The following GNA15 variants were observed in gnomAD, a reference collection of about 807,000 sequenced individuals.
GNA15 encodes the protein G protein subunit alpha 15, also known as guanine nucleotide-binding protein subunit alpha-15.
Under a neutral mutation model 40.1 loss-of-function variants are expected in GNA15, and 23 were observed. The ratio of observed to expected loss-of-function variants is 0.57; its 90% CI spans 0.41 to 0.81. The LOEUF is 0.81. GNA15 is among the 40% of genes least tolerant of loss of function. The pLI, the probability that GNA15 is intolerant of heterozygous loss-of-function variation, is 0.00. For missense variants in GNA15, 522 were observed against 515.8 expected, an observed-to-expected ratio of 1.01 and a Z score of -0.12; for synonymous variants, 226 against 210.4, an observed-to-expected ratio of 1.07 and a Z score of -0.64.
rs767761894 is a variant in GNA15, at chr19:3,157,776, C to A, written c.793C>A (p.Pro265Thr). 1 of 1,613,838 alleles carries A rather than the reference C, an allele frequency of 6.2e-7. No individual in the cohort carries two copies. Among genetic ancestry groups the A allele is most frequent in the Non-Finnish European group, 8.5e-7 (1 of 1,179,702 alleles). ...ATTGTTTGGGACTATCCTGGAACTACCCTGGTTCAAAAGCACATCCGTCAT... is the reference window on the plus strand; with the variant it reads ...ATTGTTTGGGACTATCCTGGAACTAACCTGGTTCAAAAGCACATCCGTCAT... ...LALFGTILELPWFKSTSVILF... is the reference protein window; with the variant it reads ...LALFGTILELTWFKSTSVILF... The change falls in exon 6 of 7, where the codon CCC (proline) becomes ACC (threonine). Residue 265 changes from proline to threonine, a missense_variant. Pro to Thr is a conservative substitution (Grantham distance 38, BLOSUM62 -1). Transcript: ENST00000262958.
At position 3,162,951 on chromosome 19, in the gene GNA15, C is replaced by T. The variant is rs764000592; in HGVS notation, c.1057C>T (p.Arg353Cys). The T allele has an allele frequency of 2.5e-6, 4 of 1,613,978 alleles. No individual in the cohort carries two copies. Among genetic ancestry groups the T allele is most frequent in the Middle Eastern group, 1.6e-4 (1 of 6,084 alleles). Residue 353 changes from arginine (R) to cysteine (C), a missense_variant, in exon 7 of 7, where the codon CGC (arginine) becomes TGC (cysteine). Transcript: ENST00000262958. Reference sequence around the variant, plus strand: ...ATGTGCCACAGACACACAGAACATCCGCAAGGTCTTCAAGGACGTGCGGGA... The same window carrying T: ...ATGTGCCACAGACACACAGAACATCTGCAAGGTCTTCAAGGACGTGCGGGA... ...YTCATDTQNI[R>C]KVFKDVRDSV...
Position 3,153,182 on chromosome 19 carries a change from C to G in GNA15, c.614+1347C>G, listed in dbSNP as rs191676942. Among the ~76,000 whole-genome samples the G allele has an allele frequency of 2.6e-5, 4 of 151,570 alleles. No individual in the cohort carries two copies. The East Asian group carries it at 7.7e-4, about 29-fold the overall frequency. ...AGACCGAGAACCCACGAGAAGGAAC[C>G]AGCTCTGGGACACAATAGTAGTGTT... On this transcript the variant is annotated intron_variant, in intron 4 of 6. Coordinates refer to ENST00000262958, the MANE Select transcript of GNA15 (RefSeq NM_002068.4).
intron 1 of GNA15, among the ~76,000 whole-genome samples, chr19:3,139,010 A>G (rs1312945182): frequency 7.1e-6 from 1 of 140,310 alleles, no homozygotes; most frequent in Non-Finnish European, 1.5e-5. Flanking sequence ...CAGTGGTGAG[A>G]TCTCAGCTCA....
At position 3,163,435 on chromosome 19, in the gene GNA15, G is replaced by A. The variant is rs1052806025; in HGVS notation, c.*416G>A. 3 of 227,088 alleles carry A rather than the reference G, an allele frequency of 1.3e-5. No homozygotes were observed. The highest frequency in any genetic ancestry group is 2.7e-5 in the Non-Finnish European group (3 of 112,286). 14.1% of individuals were successfully genotyped at this position (227,088 alleles called of 1,614,324 possible). ...GATGGGGCTAGTAGAGCCTTCAGGC[G>A]CCTTCGGGCGTGGACTCTGGCGCAC... On this transcript the variant is annotated 3_prime_UTR_variant, in exon 7 of 7. Transcript: ENST00000262958.
intron 1 of GNA15, among the ~76,000 whole-genome samples, chr19:3,138,937 C>CCT (rs1568291933): frequency 4.9e-5 from 6 of 123,554 alleles, no homozygotes; most frequent in African/African-American, 9.3e-5. Context: ...CGCGCCCAGC[C>CCT]TCTTTTTTTT....
At chr19:3,156,396 T>C (rs1915023110) in intron 5 of GNA15, among the ~76,000 whole-genome samples, 2 of 149,334 alleles carry the variant, frequency 1.3e-5, no homozygotes. Flanking sequence ...AATACACGCA[T>C]ATGTACACAT....
At chr19:3,157,187 C>A (rs182283693) in intron 5 of GNA15, among the ~76,000 whole-genome samples, 1 of 151,080 alleles carries the variant, frequency 6.6e-6, no homozygotes, top group Admixed American at 6.6e-5. Flanking sequence ...TTAGTAGAAA[C>A]GGGGTTTCAC....
chr19:3,149,922 T>C (rs768994560), intron 2 of GNA15: 26 of 520,352 alleles, frequency 5.0e-5, no homozygotes, highest in Non-Finnish European at 7.8e-5. Flanking sequence ...CCTCATGTGG[T>C]GGTCTGTGCT....
rs375837257 is a variant in GNA15 at position 3,150,313 on chromosome 19, C to T, written c.485+28C>T. 25 of 1,509,488 alleles carry T rather than the reference C, an allele frequency of 1.7e-5. No individual in the cohort carries two copies. The African/African-American group carries it at 2.3e-4, about 14-fold the overall frequency. 93.5% of individuals were successfully genotyped at this position (1,509,488 alleles called of 1,614,324 possible). ...GAGTCTGGGGTCTGCGGGGGATGGGCGCGTGGGGAGGGGCTGAGGGCAGGG... is the reference window on the plus strand; with the variant it reads ...GAGTCTGGGGTCTGCGGGGGATGGGTGCGTGGGGAGGGGCTGAGGGCAGGG... On this transcript the variant is annotated intron_variant, in intron 3 of 6. Transcript: ENST00000262958.
At chr19:3,161,486 A>G (rs2144865538) in intron 6 of GNA15, among the ~76,000 whole-genome samples, 1 of 152,260 alleles carries the variant, frequency 6.6e-6, no homozygotes, top group East Asian at 1.9e-4. Flanking sequence ...CTCAGAGCCC[A>G]TGAGGCCAAT....
At position 3,163,445 on chromosome 19, in the gene GNA15, G is replaced by A. The variant is rs1251392701; in HGVS notation, c.*426G>A. Reference sequence around the variant, plus strand: ...GTAGAGCCTTCAGGCGCCTTCGGGCGTGGACTCTGGCGCACTCTAGTGGAC... The same window carrying A: ...GTAGAGCCTTCAGGCGCCTTCGGGCATGGACTCTGGCGCACTCTAGTGGAC... On this transcript the variant is annotated 3_prime_UTR_variant, in exon 7 of 7. Coordinates refer to ENST00000262958, the MANE Select transcript of GNA15 (RefSeq NM_002068.4). The A allele has an allele frequency of 4.5e-6, 1 of 221,154 alleles. No homozygotes were observed. The highest frequency in any genetic ancestry group is 1.3e-4 in the East Asian group (1 of 7,934). The allele number at this position is 221,154 out of a possible 1,614,324, so 13.7% of individuals were successfully genotyped here.
chr19:3,147,689 G>A lies in GNA15; in HGVS notation c.146-902G>A, dbSNP rs544618254. On this transcript the variant is annotated intron_variant, in intron 1 of 6. Coordinates refer to ENST00000262958, the MANE Select transcript of GNA15 (RefSeq NM_002068.4). ...TGGGAGGCCGAGGCGGGTGGATCAC[G>A]AGGTCAAGACCACGGTGAAACCCCG... Among the ~76,000 whole-genome samples the A allele has an allele frequency of 9.9e-5, 15 of 151,904 alleles. No individual in the cohort carries two copies. In the East Asian group the frequency reaches 1.2e-3, roughly 12 times the overall value.
intron 4 of GNA15, among the ~76,000 whole-genome samples, chr19:3,152,869 TG>T (rs1189722948): frequency 6.6e-6 from 1 of 152,166 alleles, no homozygotes; most frequent in Non-Finnish European, 1.5e-5. Flanking sequence ...CTGTTTTCTG[TG>T]GGTCTCCTCT....
In GNA15 at chr19:3,148,662, G is replaced by A; in HGVS notation, c.217G>A (p.Glu73Lys). ...RIIHGAGYSE[E>K]ERKGFRPLVY... ...CATCCACGGCGCCGGCTACTCGGAG[G>A]AGGAGCGCAAGGGCTTCCGGCCCCT... Residue 73 changes from glutamate to lysine, a missense_variant, in exon 2 of 7, where the codon GAG (glutamate) becomes AAG (lysine). Coordinates refer to ENST00000262958, the MANE Select transcript of GNA15 (RefSeq NM_002068.4). 3.8e-6 allele frequency: 6 copies of A among 1,592,370 alleles called. No homozygotes were observed. Among genetic ancestry groups the A allele is most frequent in the Non-Finnish European group, 5.1e-6 (6 of 1,169,618 alleles).
At chr19:3,162,001 C>G (rs1057244352) in intron 6 of GNA15, among the ~76,000 whole-genome samples, 20 of 151,586 alleles carry the variant, frequency 1.3e-4, no homozygotes, top group Non-Finnish European at 7.4e-5. Context: ...CCACTTCACT[C>G]CAACCTGGGT....
At chr19:3,156,977 A>C (rs1915044815) in intron 5 of GNA15, among the ~76,000 whole-genome samples, 1 of 149,132 alleles carries the variant, frequency 6.7e-6, no homozygotes, top group Non-Finnish European at 1.5e-5. Flanking sequence ...GTACCCCATA[A>C]CACAAGGCAT....
chr19:3,149,916 A>T, intron 2 of GNA15: 1 of 513,278 alleles, frequency 1.9e-6, no homozygotes, highest in Non-Finnish European at 3.5e-6. Context: ...GCAGCCCCTC[A>T]TGTGGTGGTC....
intron 4 of GNA15, among the ~76,000 whole-genome samples, chr19:3,153,186 T>A (rs1714446358): frequency 1.3e-5 from 2 of 151,248 alleles, no homozygotes; most frequent in Admixed American, 1.3e-4. Context: ...AGGAACCAGC[T>A]CTGGGACACA....
At position 3,136,643 on chromosome 19, in the gene GNA15, C is replaced by G. The variant is rs1637665; in HGVS notation, c.145+48C>G. On this transcript the variant is annotated intron_variant, in intron 1 of 6. Transcript: ENST00000262958. This position sits in a 1 kb window ranked among gnomAD's most constrained non-coding sequence, Gnocchi z 4.9. ...GTGGGTGGTGGGCAGTGGGCGGTGG[C>G]CAGCCGGCAGGGGTGTCGGGGCAAG... The G allele has an allele frequency of 1.3e-6, 2 of 1,518,422 alleles. No homozygotes were observed. Among genetic ancestry groups the G allele is most frequent in the Non-Finnish European group, 1.8e-6 (2 of 1,122,680 alleles). The allele number at this position is 1,518,422 out of a possible 1,614,324, so 94.1% of individuals were successfully genotyped here. A position where few individuals can be genotyped will look rare whatever the true frequency, so the allele number is the denominator to read the frequency against.
Sources: allele counts gnomAD v4.1 joint callset (sites outside exome capture counted in the v4.1 genomes callset), GRCh38; gene constraint gnomAD v4.1.1; non-coding constraint Gnocchi (gnomAD v3.1); transcripts MANE v1.5; gene names NCBI Gene and HGNC (gene_info 2026-07-23, HGNC 2026-07-21).